The following TSPEAR variants were observed in gnomAD, a reference collection of about 807,000 sequenced individuals.
TSPEAR encodes the protein thrombospondin type laminin G domain and EAR repeats.
In TSPEAR, 69 loss-of-function variants were observed where a neutral mutation model predicts 71.6. The observed-to-expected ratio is 0.96, with a 90% CI of 0.79 to 1.18. The LOEUF (loss-of-function observed/expected upper bound fraction) is 1.18. Ranked by LOEUF, TSPEAR falls within the 50% of genes most tolerant of loss-of-function variation. The pLI is 0.00. For missense variants in TSPEAR, 971 were observed against 894.9 expected (o/e 1.09, Z -1.09); for synonymous variants, 402 against 387.2 (o/e 1.04, Z -0.45).
At chr21:44,529,575 G>A (rs1391764559) in intron 5 of TSPEAR, among the ~76,000 whole-genome samples, 1 of 152,154 alleles carries the variant, frequency 6.6e-6, no homozygotes, top group Non-Finnish European at 1.5e-5. Context: ...GTGCTTGGAG[G>A]GAAGGGCAGG....
chr21:44,662,387 T>G (rs114103047), intron 1 of TSPEAR, among the ~76,000 whole-genome samples: 145 of 152,162 alleles, frequency 9.5e-4, no homozygotes, highest in African/African-American at 3.3e-3. Context: ...TTACCAAGGA[T>G]AAAAAGGAAT....
intron 1 of TSPEAR, among the ~76,000 whole-genome samples, chr21:44,626,101 C>G (rs781907725): frequency 6.6e-6 from 1 of 152,192 alleles, no homozygotes; most frequent in East Asian, 1.9e-4. Flanking sequence ...GCAACAAAGA[C>G]GTTCTACTCA....
intron 2 of TSPEAR, among the ~76,000 whole-genome samples, chr21:44,554,390 T>C (rs1475626883): frequency 6.6e-6 from 1 of 152,180 alleles, no homozygotes; most frequent in Non-Finnish European, 1.5e-5. Flanking sequence ...CAATTTGTTA[T>C]AGCAGCCCCA....
chr21:44,601,816 C>T, intron 1 of TSPEAR: 1 of 1,532,914 alleles, frequency 6.5e-7, no homozygotes, highest in Non-Finnish European at 8.8e-7. Context: ...CGGCTCTCCA[C>T]ATCCCGCTCC....
intron 2 of TSPEAR, among the ~76,000 whole-genome samples, chr21:44,538,295 C>T (rs2053127483): frequency 1.3e-5 from 2 of 152,166 alleles, no homozygotes; most frequent in Non-Finnish European, 2.9e-5. Context: ...CAGGACATCA[C>T]AGGCAGCTCA....
At chr21:44,664,371 G>T (rs1231961374) in intron 1 of TSPEAR, among the ~76,000 whole-genome samples, 1 of 152,064 alleles carries the variant, frequency 6.6e-6, no homozygotes, top group African/African-American at 2.4e-5. Context: ...GATAAATTCT[G>T]GGGGAAATAT....
intron 9 of TSPEAR, chr21:44,518,878 G>T: frequency 5.7e-6 from 2 of 353,200 alleles, no homozygotes; most frequent in Non-Finnish European, 1.1e-5. Flanking sequence ...TCATGTCAGG[G>T]CACCAGTATG....
rs1296597627 is a variant in TSPEAR, at chr21:44,687,788, T to A, written c.82+23645A>T. ...GAGCTGTGTTGACAGATTGGCAAAC[T>A]TCGTCAAATGATACCCTTGAGATTT... On this transcript the variant is annotated intron_variant, in intron 1 of 11. Transcript: ENST00000323084. The surrounding 1 kb of genome is among the most constrained non-coding windows in gnomAD (Gnocchi z 4.4). 6.6e-6 allele frequency among the ~76,000 whole-genome samples: 1 copy of A among 152,188 alleles called. No individual in the cohort carries two copies. The highest frequency in any genetic ancestry group is 1.5e-5 in the Non-Finnish European group (1 of 68,026).
intron 1 of TSPEAR, chr21:44,677,468 A>G: frequency 1.2e-6 from 1 of 840,106 alleles, no homozygotes; most frequent in Non-Finnish European, 2.0e-6. Flanking sequence ...TCTTGGCTAG[A>G]GACTCAGTTT....
intron 1 of TSPEAR, among the ~76,000 whole-genome samples, chr21:44,650,129 C>T (rs1984688417): frequency 6.6e-6 from 1 of 151,768 alleles, no homozygotes; most frequent in Admixed American, 6.6e-5. Context: ...GGTGGGAAGA[C>T]GGCTTGAGCC....
intron 9 of TSPEAR, among the ~76,000 whole-genome samples, chr21:44,512,234 G>A (rs587676551): frequency 3.0e-4 from 45 of 152,178 alleles, no homozygotes; most frequent in African/African-American, 9.9e-4. Flanking sequence ...CTGGGGAGCC[G>A]GAGGAGGCTT....
At chr21:44,544,776 C>T (rs139453682) in intron 2 of TSPEAR, among the ~76,000 whole-genome samples, 1,885 of 152,120 alleles carry the variant, frequency 0.012, 35 homozygotes, top group African/African-American at 0.043. Context: ...TGGCCAGGAA[C>T]GGAGGCTAAT....
chr21:44,711,249 A>G lies in TSPEAR; in HGVS notation c.82+184T>C, dbSNP rs964916991. On this transcript the variant is annotated intron_variant, in intron 1 of 11. Coordinates refer to ENST00000323084, the MANE Select transcript of TSPEAR (RefSeq NM_144991.3). This position sits in a 1 kb window ranked among gnomAD's most constrained non-coding sequence, Gnocchi z 4.5. The stretch of plus-strand genomic sequence containing the variant: ...TTGCAACTGCCTGCCCTGCGCTTTC[A>G]TCTTCCCCACCTGTGCTCCTCCCGC... Among the ~76,000 whole-genome samples, 1 of 151,660 alleles carries G rather than the reference A, an allele frequency of 6.6e-6. No individual in the cohort carries two copies. The highest frequency in any genetic ancestry group is 1.9e-4 in the East Asian group (1 of 5,148).
intron 9 of TSPEAR, chr21:44,517,680 C>A: frequency 2.2e-6 from 1 of 447,216 alleles, no homozygotes; most frequent in South Asian, 1.6e-5. Flanking sequence ...AAGCCACTGA[C>A]ATGTGGGAGC....
At chr21:44,676,804 TC>T (rs1555946940) in intron 1 of TSPEAR, 5 of 922,258 alleles carry the variant, frequency 5.4e-6, no homozygotes, top group Non-Finnish European at 9.1e-6. Flanking sequence ...TACTACAGAG[TC>T]AAATGCCCAC....
intron 1 of TSPEAR, among the ~76,000 whole-genome samples, chr21:44,632,803 C>G (rs1983330973): frequency 6.6e-6 from 1 of 152,138 alleles, no homozygotes; most frequent in Non-Finnish European, 1.5e-5. Flanking sequence ...AAGATCGTGC[C>G]ACTGCTCTCC....
intron 1 of TSPEAR, among the ~76,000 whole-genome samples, chr21:44,626,646 TTGGCGAGTCC>T (rs1982802933): frequency 6.6e-6 from 1 of 152,084 alleles, no homozygotes; most frequent in Admixed American, 6.5e-5. Context: ...GGATTAGAAA[TTGGCGAGTCC>T]TGTGTCCTAC....
intron 2 of TSPEAR, among the ~76,000 whole-genome samples, chr21:44,552,713 G>A (rs1208925066): frequency 1.3e-5 from 2 of 152,290 alleles, no homozygotes; most frequent in Admixed American, 6.5e-5. Context: ...CATGTGCACC[G>A]GCTGGACGTG....
chr21:44,547,888 G>T (rs2053327295), intron 2 of TSPEAR, among the ~76,000 whole-genome samples: 1 of 152,160 alleles, frequency 6.6e-6, no homozygotes, highest in Non-Finnish European at 1.5e-5. Flanking sequence ...AGCTTCTCAG[G>T]TCTTTTCTGA....
Sources: gnomAD v4.1 joint callset for allele counts (sites outside exome capture counted in the v4.1 genomes callset) on GRCh38, gnomAD v4.1.1 for gene constraint, Gnocchi (gnomAD v3.1) non-coding constraint, MANE v1.5 for transcripts, NCBI Gene and HGNC (gene_info 2026-07-23, HGNC 2026-07-21) for gene names.